The following DAO variants were observed in gnomAD, a reference collection of about 807,000 sequenced individuals.
The protein encoded by DAO is D-amino acid oxidase.
In DAO, 51 loss-of-function variants were observed where a neutral mutation model predicts 50.1. The observed-to-expected ratio is 1.02, with a 90% confidence interval of 0.81 to 1.29. DAO has a LOEUF of 1.29. Among genes scored for constraint, DAO ranks in the 50% most tolerant of loss-of-function variants. DAO has a pLI of 0.00. For synonymous variants in DAO, 160 were observed against 166.2 expected (o/e 0.96, Z 0.29); for missense variants, 436 against 439.4 (o/e 0.99, Z 0.07).
At chr12:108,894,457 G>A in intron 7 of DAO, 90 bp downstream of exon 7, 2 of 1,132,744 alleles carry the variant, frequency 1.8e-6, no homozygotes, top group Non-Finnish European at 2.6e-6. Context: ...GACAAATCAG[G>A]AACATCTGTT....
intron 1 of DAO, among the ~76,000 whole-genome samples, chr12:108,881,568 A>G (rs2039380413): frequency 6.7e-6 from 1 of 150,234 alleles, no homozygotes; most frequent in Non-Finnish European, 1.5e-5. Flanking sequence ...AAAAAAGATA[A>G]TTGACTTAGG....
At chr12:108,889,731 G>T (rs936078742) in intron 4 of DAO, among the ~76,000 whole-genome samples, 186 bp downstream of exon 4, 1 of 152,160 alleles carries the variant, frequency 6.6e-6, no homozygotes, top group African/African-American at 2.4e-5. Flanking sequence ...GGGCTGGGAA[G>T]GTAGGGGGTA....
rs1380948647 is a variant in DAO, at chr12:108,901,026, A to C, written c.*491A>C. ...CCATGAATGCCATGACACAAATCTGAGAAAATGCTGGAACAGATTTTGTTG... is the reference window on the plus strand; with the variant it reads ...CCATGAATGCCATGACACAAATCTGCGAAAATGCTGGAACAGATTTTGTTG... On this transcript the variant is annotated 3_prime_UTR_variant, in exon 11 of 11. Transcript: ENST00000228476. 5.1e-6 allele frequency: 1 copy of C among 194,800 alleles called. No individual in the cohort carries two copies. Among genetic ancestry groups the C allele is most frequent in the African/African-American group, 2.4e-5 (1 of 42,176 alleles). The allele number at this position is 194,800 out of a possible 1,614,324, so 12.1% of individuals were successfully genotyped here.
intron 8 of DAO, 140 bp downstream of exon 8, chr12:108,897,228 T>A (rs1247391281): frequency 4.4e-6 from 3 of 685,772 alleles, no homozygotes; most frequent in Non-Finnish European, 7.8e-6. Context: ...TTTATTATTA[T>A]TTTTTGAGAC....
chr12:108,891,055 T>G (rs2039485491), intron 5 of DAO, among the ~76,000 whole-genome samples: 1 of 152,174 alleles, frequency 6.6e-6, no homozygotes, highest in Admixed American at 6.5e-5. Flanking sequence ...TCTCCTGACC[T>G]CGTAATCTGC....
At chr12:108,890,822 C>A (rs1006145267) in intron 5 of DAO, among the ~76,000 whole-genome samples, 1 of 152,014 alleles carries the variant, frequency 6.6e-6, no homozygotes, top group African/African-American at 2.4e-5. Flanking sequence ...GATTCCATAC[C>A]TTTTTTGTGT....
At chr12:108,881,833 C>T (rs7977762) in intron 1 of DAO, among the ~76,000 whole-genome samples, 61,319 of 151,484 alleles carry the variant, frequency 0.4, 15,146 homozygotes, top group African/African-American at 0.66. Flanking sequence ...CTTGAACTCC[C>T]GACCTCAAGT....
intron 6 of DAO, among the ~76,000 whole-genome samples, chr12:108,893,630 C>T (rs1035142042): frequency 2.6e-5 from 4 of 152,138 alleles, no homozygotes; most frequent in African/African-American, 7.2e-5. Flanking sequence ...GATACATGGT[C>T]GACCCAATGC....
chr12:108,894,789 T>A (rs1023963163), intron 7 of DAO, among the ~76,000 whole-genome samples: 2 of 152,176 alleles, frequency 1.3e-5, no homozygotes, highest in Non-Finnish European at 2.9e-5. Context: ...AGTATCTTGA[T>A]CATGGCTCAC....
rs545960046 is a variant in DAO at position 108,885,329 on chromosome 12, C to T, written c.194+129C>T. 101 of 934,076 alleles carry T rather than the reference C, an allele frequency of 1.1e-4. 2 individuals are homozygous for T. The African/African-American group carries it at 1.6e-3, about 15-fold the overall frequency. The allele number at this position is 934,076 out of a possible 1,614,324, so 57.9% of individuals were successfully genotyped here. A position where few individuals can be genotyped will look rare whatever the true frequency, so the allele number is the denominator to read the frequency against. On this transcript the variant is annotated intron_variant, in intron 2 of 10. Transcript: ENST00000228476. ...GATCTAGCATAAAATAAAGAAAATG[C>T]CAGGCGTGGTGGTTCACGCCTTTAA...
At chr12:108,897,516 C>T (rs1278041809) in intron 8 of DAO, among the ~76,000 whole-genome samples, 1 of 152,018 alleles carries the variant, frequency 6.6e-6, no homozygotes, top group African/African-American at 2.4e-5. Flanking sequence ...CGTGCCTGGC[C>T]CCTTTCAATG....
At chr12:108,900,374 C>T (rs761222054) in intron 10 of DAO, 30 bp from the exon 11 acceptor site, 3 of 1,612,986 alleles carry the variant, frequency 1.9e-6, no homozygotes, top group East Asian at 4.5e-5. Context: ...CCCTCTCGGA[C>T]CTGGCCACCT....
intron 10 of DAO, 134 bp downstream of exon 10, chr12:108,899,609 T>A: frequency 1.3e-6 from 1 of 767,150 alleles, no homozygotes. Flanking sequence ...GTGGCTAATA[T>A]CCCCTCCTCT....
intron 2 of DAO, 142 bp downstream of exon 2, chr12:108,885,342 T>C (rs2039424740): frequency 2.5e-6 from 2 of 810,996 alleles, no homozygotes; most frequent in East Asian, 5.3e-5. Flanking sequence ...GGCGTGGTGG[T>C]TCACGCCTTT....
intron 7 of DAO, among the ~76,000 whole-genome samples, chr12:108,894,681 T>TTTA (rs10599880): frequency 6.6e-6 from 1 of 152,022 alleles, no homozygotes; most frequent in Non-Finnish European, 1.5e-5. Flanking sequence ...CTTTATTGTG[T>TTTA]TTATTATTAT....
At position 108,880,726 on chromosome 12, in the gene DAO, A is replaced by T. The variant is rs566672171; in HGVS notation, c.-10+502A>T. The stretch of plus-strand genomic sequence containing the variant: ...CTCTGGCTTACTGATTTTTTTTTTT[A>T]AAAAGAAGTCTTTCATATTCTTTGC... On this transcript the variant is annotated intron_variant, in intron 1 of 10. Coordinates refer to ENST00000228476, the MANE Select transcript of DAO (RefSeq NM_001917.5). Among the ~76,000 whole-genome samples, 110 of 146,236 alleles carry T rather than the reference A, an allele frequency of 7.5e-4. 1 individual carries two copies. The South Asian group carries it at 0.015, about 20-fold the overall frequency.
chr12:108,891,242 A>G (rs181601863), intron 5 of DAO, among the ~76,000 whole-genome samples: 56 of 152,230 alleles, frequency 3.7e-4, no homozygotes, highest in African/African-American at 1.1e-3. Flanking sequence ...TGAGCCCAGG[A>G]GTTCAAGACC....
intron 1 of DAO, among the ~76,000 whole-genome samples, chr12:108,882,382 G>T (rs544988863): frequency 6.6e-6 from 1 of 152,284 alleles, no homozygotes; most frequent in South Asian, 2.1e-4. Context: ...GCATGTTGGT[G>T]CATGCCTGTA....
intron 6 of DAO, among the ~76,000 whole-genome samples, chr12:108,893,623 A>G (rs1003602508): frequency 6.6e-6 from 1 of 152,214 alleles, no homozygotes; most frequent in Non-Finnish European, 1.5e-5. Context: ...CACCGAAGAT[A>G]CATGGTCGAC....
Sources: allele counts gnomAD v4.1 joint callset (sites outside exome capture counted in the v4.1 genomes callset), GRCh38; gene constraint gnomAD v4.1.1; transcripts MANE v1.5; gene names NCBI Gene and HGNC (gene_info 2026-07-23, HGNC 2026-07-21).